The following SLC10A7 variants were observed in gnomAD, a reference collection of about 807,000 sequenced individuals.
SLC10A7 encodes solute carrier family 10 member 7, also known as sodium/bile acid cotransporter 7.
SLC10A7 carries 29 observed loss-of-function variants against 43.2 expected under a neutral mutation model. The ratio of observed to expected loss-of-function variants is 0.67; its 90% CI spans 0.50 to 0.92. The LOEUF (loss-of-function observed/expected upper bound fraction) is 0.92. SLC10A7 is among the 40% of genes least tolerant of loss of function. The pLI is 0.00. For synonymous variants in SLC10A7, 152 were observed against 144.8 expected, an observed-to-expected ratio of 1.05 and a Z score of -0.35; for missense variants, 295 against 403.2, an observed-to-expected ratio of 0.73 and a Z score of 2.30.
intron 5 of SLC10A7, among the ~76,000 whole-genome samples, chr4:146,428,502 T>C (rs528548489): frequency 2.6e-5 from 4 of 152,032 alleles, no homozygotes; most frequent in South Asian, 4.1e-4. Flanking sequence ...TGCTGTCATA[T>C]GATATTGCAA....
At chr4:146,267,165 T>A (rs1728610955) in intron 10 of SLC10A7, among the ~76,000 whole-genome samples, 1 of 152,096 alleles carries the variant, frequency 6.6e-6, no homozygotes, top group African/African-American at 2.4e-5. Flanking sequence ...ATAAAATGAA[T>A]TCAGTGAGCA....
At chr4:146,508,282 A>G (rs1210218558) in intron 3 of SLC10A7, among the ~76,000 whole-genome samples, 2 of 152,222 alleles carry the variant, frequency 1.3e-5, no homozygotes, top group Non-Finnish European at 2.9e-5. Flanking sequence ...TGTCCTTTAT[A>G]ACCAACTAGG....
At chr4:146,492,836 G>A (rs372897837) in intron 4 of SLC10A7, among the ~76,000 whole-genome samples, 3 of 151,870 alleles carry the variant, frequency 2.0e-5, no homozygotes, top group East Asian at 3.9e-4. Context: ...ATTTACATGG[G>A]TCTTATATGT....
intron 10 of SLC10A7, among the ~76,000 whole-genome samples, chr4:146,271,582 G>C (rs754398306): frequency 3.3e-5 from 5 of 152,078 alleles, no homozygotes; most frequent in African/African-American, 4.8e-5. Context: ...CAACCATAGG[G>C]ATCCTTTCAA....
intron 7 of SLC10A7, among the ~76,000 whole-genome samples, chr4:146,301,954 T>C (rs1170969872): frequency 6.6e-6 from 1 of 152,224 alleles, no homozygotes; most frequent in Non-Finnish European, 1.5e-5. Flanking sequence ...TATAATTTAC[T>C]GAATACTTTA....
chr4:146,512,801 T>C (rs1024517732), intron 2 of SLC10A7, among the ~76,000 whole-genome samples: 1 of 152,224 alleles, frequency 6.6e-6, no homozygotes, highest in African/African-American at 2.4e-5. Context: ...GGAAATAATA[T>C]ATTTTTATCC....
intron 5 of SLC10A7, among the ~76,000 whole-genome samples, chr4:146,337,622 T>C (rs892949095): frequency 5.9e-5 from 9 of 152,026 alleles, no homozygotes; most frequent in African/African-American, 2.2e-4. Flanking sequence ...CTAGGAACTG[T>C]GCTAAGTACA....
intron 5 of SLC10A7, among the ~76,000 whole-genome samples, chr4:146,381,392 T>C (rs145701651): frequency 6.6e-5 from 10 of 152,292 alleles, no homozygotes; most frequent in African/African-American, 2.2e-4. Flanking sequence ...AACATTGCCA[T>C]GCACAGCATC....
chr4:146,420,304 C>A (rs149256326), intron 5 of SLC10A7, among the ~76,000 whole-genome samples: 1 of 152,278 alleles, frequency 6.6e-6, no homozygotes, highest in African/African-American at 2.4e-5. Context: ...CATGATGCTT[C>A]GCAACAATTA....
intron 5 of SLC10A7, among the ~76,000 whole-genome samples, chr4:146,380,902 A>G (rs1424890522): frequency 6.6e-6 from 1 of 152,202 alleles, no homozygotes; most frequent in African/African-American, 2.4e-5. Context: ...TAATTTAGAT[A>G]TAGATATACA....
At position 146,275,457 on chromosome 4, in the gene SLC10A7, T is replaced by C. The variant is rs1190596466; in HGVS notation, c.847+7735A>G. ...CACTACAGCTTAGCATGGTGGCTAATAGCTAGGCCTGGGCTTGATTTCTGG... is the reference window on the plus strand; with the variant it reads ...CACTACAGCTTAGCATGGTGGCTAACAGCTAGGCCTGGGCTTGATTTCTGG... On this transcript the variant is annotated intron_variant, in intron 10 of 11. Transcript: ENST00000335472. Among the ~76,000 whole-genome samples the C allele has an allele frequency of 2.0e-5, 3 of 152,278 alleles. No individual in the cohort carries two copies. The East Asian group carries it at 5.8e-4, about 29-fold the overall frequency.
chr4:146,340,132 G>A (rs746498290), intron 5 of SLC10A7, among the ~76,000 whole-genome samples: 4 of 151,656 alleles, frequency 2.6e-5, no homozygotes, highest in Non-Finnish European at 4.4e-5. Context: ...ATATCAGGGG[G>A]TAGGAGAAGA....
chr4:146,459,850 T>C (rs902984022), intron 4 of SLC10A7, among the ~76,000 whole-genome samples: 3 of 151,932 alleles, frequency 2.0e-5, no homozygotes, highest in Non-Finnish European at 4.4e-5. Context: ...TTGGACTTCA[T>C]TGTCCTTCAA....
intron 4 of SLC10A7, among the ~76,000 whole-genome samples, chr4:146,463,418 C>T (rs761139635): frequency 4.6e-5 from 7 of 152,052 alleles, no homozygotes; most frequent in South Asian, 4.1e-4. Flanking sequence ...AATGTCCATA[C>T]GTGCCCCTTG....
chr4:146,379,924 T>C (rs1325904957), intron 5 of SLC10A7, among the ~76,000 whole-genome samples: 2 of 150,382 alleles, frequency 1.3e-5, no homozygotes, highest in Non-Finnish European at 2.9e-5. Context: ...AAATATCTGC[T>C]TGACAAATAA....
chr4:146,301,333 G>C (rs181132533), intron 7 of SLC10A7, among the ~76,000 whole-genome samples: 65 of 152,242 alleles, frequency 4.3e-4, no homozygotes, highest in Admixed American at 9.2e-4. Flanking sequence ...TCAGGTGAAG[G>C]ATGATGAGTA....
chr4:146,313,764 C>A (rs1003978581), intron 6 of SLC10A7, among the ~76,000 whole-genome samples: 3 of 152,132 alleles, frequency 2.0e-5, no homozygotes, highest in African/African-American at 4.8e-5. Flanking sequence ...GCCCCTTGGT[C>A]TCTTTCGCTG....
At chr4:146,380,168 T>C (rs1413655830) in intron 5 of SLC10A7, among the ~76,000 whole-genome samples, 1 of 152,132 alleles carries the variant, frequency 6.6e-6, no homozygotes, top group Admixed American at 6.6e-5. Flanking sequence ...AGGTATATGT[T>C]AGTTTTAATC....
chr4:146,402,656 A>G (rs1055101892), intron 5 of SLC10A7, among the ~76,000 whole-genome samples: 3 of 152,220 alleles, frequency 2.0e-5, no homozygotes, highest in African/African-American at 7.2e-5. Context: ...AATAAGTAGC[A>G]GAAGAGCTCA....
Sources: gnomAD v4.1 joint callset for allele counts (sites outside exome capture counted in the v4.1 genomes callset) on GRCh38, gnomAD v4.1.1 for gene constraint, MANE v1.5 for transcripts, NCBI Gene and HGNC (gene_info 2026-07-23, HGNC 2026-07-21) for gene names.